PHLDB2: variants seen among roughly 807,000 people sequenced by gnomAD.
PHLDB2 encodes the protein pleckstrin homology-like domain family B member 2.
A neutral mutation model predicts 123.6 loss-of-function variants in PHLDB2; 71 were observed. The observed-to-expected ratio is 0.57, with a 90% CI of 0.47 to 0.70. The LOEUF is 0.70. Ranked by LOEUF, PHLDB2 falls within the 30% of genes least tolerant of loss-of-function variation. The pLI, the probability that PHLDB2 is intolerant of heterozygous loss-of-function variation, is 0.00. For missense variants in PHLDB2, 1,446 were observed against 1,519.5 expected, an observed-to-expected ratio of 0.95 and a Z score of 0.80; for synonymous variants, 547 against 541.6, an observed-to-expected ratio of 1.01 and a Z score of -0.14.
chr3:111,842,473 T>G (rs913919756), intron 1 of PHLDB2, among the ~76,000 whole-genome samples: 16 of 152,244 alleles, frequency 1.1e-4, no homozygotes, highest in Non-Finnish European at 2.1e-4. Context: ...GGGTTCACTC[T>G]TGGTATTGTA....
chr3:111,904,276 T>TTAAAAAAAA (rs1368088646), intron 2 of PHLDB2, among the ~76,000 whole-genome samples: 1 of 11,044 alleles, frequency 9.1e-5, no homozygotes, highest in African/African-American at 1.7e-4. Context: ...AGACCCTGTC[T>TTAAAAAAAA]CAAAAAAAAA....
intron 2 of PHLDB2, 111 bp from the exon 3 acceptor site, chr3:111,913,208 G>T (rs2067986798): frequency 3.3e-6 from 4 of 1,199,700 alleles, no homozygotes; most frequent in Non-Finnish European, 4.7e-6. Context: ...GTGTTTGTGG[G>T]TTTATGTATG....
intron 6 of PHLDB2, among the ~76,000 whole-genome samples, chr3:111,935,520 T>TAGAC (rs1032775870): frequency 6.6e-6 from 1 of 151,370 alleles, no homozygotes; most frequent in African/African-American, 2.4e-5. Context: ...GATAGATAGA[T>TAGAC]AGATAGATAG....
intron 1 of PHLDB2, among the ~76,000 whole-genome samples, chr3:111,829,452 C>G (rs1471955654): frequency 7.9e-6 from 1 of 126,418 alleles, no homozygotes; most frequent in Non-Finnish European, 1.6e-5. Flanking sequence ...TTTTCTTTTT[C>G]TTTTTCTTTT....
intron 8 of PHLDB2, among the ~76,000 whole-genome samples, chr3:111,944,116 C>A (rs1208155396): frequency 6.6e-6 from 1 of 152,130 alleles, no homozygotes; most frequent in Non-Finnish European, 1.5e-5. Context: ...CAAAAGAATG[C>A]ATATTGTATG....
chr3:111,913,473 A>G lies in PHLDB2; in HGVS notation c.1490A>G (p.Glu497Gly). The change falls in exon 3 of 18, where the codon GAA becomes GGA. Residue 497 changes from glutamate to glycine, a missense_variant. Glu to Gly is a moderately conservative substitution (Grantham distance 98). This residue lies in a region of PHLDB2 where 832 missense variants were observed against 831.9 expected (regional missense o/e 1.00). Transcript: ENST00000431670. ...TCTGATGAGGAGTCTGTGTTTGAGGAAGCCCTCATGAGCCCTGACACAAGA... is the reference window on the plus strand; with the variant it reads ...TCTGATGAGGAGTCTGTGTTTGAGGGAGCCCTCATGAGCCCTGACACAAGA... ...QLSDEESVFEEALMSPDTRYR... is the reference protein window; with the variant it reads ...QLSDEESVFEGALMSPDTRYR... 6.2e-7 allele frequency: 1 copy of G among 1,614,088 alleles called. No individual in the cohort carries two copies. Among genetic ancestry groups the G allele is most frequent in the Non-Finnish European group, 8.5e-7 (1 of 1,179,986 alleles).
chr3:111,735,898 G>T (rs1941672091), intron 1 of PHLDB2, among the ~76,000 whole-genome samples: 1 of 152,164 alleles, frequency 6.6e-6, no homozygotes, highest in Non-Finnish European at 1.5e-5. Context: ...CAAATCCCAT[G>T]TTCTTCAGCA....
At chr3:111,779,787 C>T (rs2108079328) in intron 1 of PHLDB2, 1 of 881,586 alleles carries the variant, frequency 1.1e-6, no homozygotes, top group Non-Finnish European at 1.4e-6. Context: ...AATCTATACT[C>T]TTAAGAGGAC....
At chr3:111,804,499 G>A (rs1469092240) in intron 1 of PHLDB2, among the ~76,000 whole-genome samples, 1 of 152,208 alleles carries the variant, frequency 6.6e-6, no homozygotes, top group Non-Finnish European at 1.5e-5. Flanking sequence ...AAATGATGAT[G>A]CTAGGCCCCA....
chr3:111,740,192 T>C (rs1170742245), intron 1 of PHLDB2, among the ~76,000 whole-genome samples: 2 of 152,104 alleles, frequency 1.3e-5, no homozygotes, highest in African/African-American at 2.4e-5. Context: ...GACCCATGCC[T>C]AGGGAGTGCT....
intron 2 of PHLDB2, among the ~76,000 whole-genome samples, chr3:111,889,771 T>C (rs1472671413): frequency 6.6e-6 from 1 of 152,194 alleles, no homozygotes; most frequent in Admixed American, 6.5e-5. Flanking sequence ...CTTGAAATTC[T>C]GGGAATGTTA....
At position 111,822,295 on chromosome 3, in the gene PHLDB2, A is replaced by ATGTGTGTGTGTGTGTGTGTG. The variant is rs35687126; in HGVS notation, c.-48-23522_-48-23503dup. On this transcript the variant is annotated intron_variant, in intron 1 of 17. Transcript: ENST00000393923. Reference sequence around the variant, plus strand: ...TCTCTCTGTCTCTCTATCTTTATGTATGTGTGTGTGTGTGTGTGTGTGTAT... The same window carrying ATGTGTGTGTGTGTGTGTGTG: ...TCTCTCTGTCTCTCTATCTTTATGTATGTGTGTGTGTGTGTGTGTGTGTGTGTGTGTGTGTGTGTGTGTAT... 1.1e-3 allele frequency among the ~76,000 whole-genome samples: 155 copies of ATGTGTGTGTGTGTGTGTGTG among 144,122 alleles called. 2 individuals are homozygous for ATGTGTGTGTGTGTGTGTGTG. The highest frequency in any genetic ancestry group is 3.5e-3 in the Middle Eastern group (1 of 282). 94.5% of individuals were successfully genotyped at this position (144,122 alleles called of 152,430 possible).
chr3:111,952,746 C>CGAA, intron 11 of PHLDB2, 34 bp downstream of exon 11: 1 of 1,597,810 alleles, frequency 6.3e-7, no homozygotes, highest in Non-Finnish European at 8.5e-7. Flanking sequence ...GCTTCCCATT[C>CGAA]CATGAGTCTT....
At chr3:111,880,581 A>G (rs533719633) in intron 1 of PHLDB2, among the ~76,000 whole-genome samples, 139 of 152,308 alleles carry the variant, frequency 9.1e-4, no homozygotes, top group African/African-American at 3.3e-3. Flanking sequence ...AGTCCCGGTC[A>G]TAACCATGAC....
intron 1 of PHLDB2, among the ~76,000 whole-genome samples, chr3:111,777,051 T>C (rs1032179951): frequency 2.0e-5 from 3 of 151,332 alleles, no homozygotes; most frequent in African/African-American, 7.3e-5. Flanking sequence ...TTACAGGCAA[T>C]GACACAGGAG....
At chr3:111,839,301 A>G (rs59496070) in intron 1 of PHLDB2, among the ~76,000 whole-genome samples, 183 of 152,330 alleles carry the variant, frequency 1.2e-3, no homozygotes, top group African/African-American at 4.4e-3. Context: ...TAACTTGAAC[A>G]GAGTTTGTGA....
At chr3:111,809,557 C>T (rs995189632) in intron 1 of PHLDB2, among the ~76,000 whole-genome samples, 1 of 152,202 alleles carries the variant, frequency 6.6e-6, no homozygotes, top group African/African-American at 2.4e-5. Flanking sequence ...AAAATGGATT[C>T]TTTTTATCTA....
rs1336461012 is a variant in PHLDB2, at chr3:111,830,965, GAA to G, written c.-48-14854_-48-14853del. Among the ~76,000 whole-genome samples, 152 of 48,426 alleles carry G rather than the reference GAA, an allele frequency of 3.1e-3. 1 individual carries two copies. Among genetic ancestry groups the G allele is most frequent in the African/African-American group, 6.0e-3 (128 of 21,278 alleles). 31.8% of individuals were successfully genotyped at this position (48,426 alleles called of 152,430 possible). On this transcript the variant is annotated intron_variant, in intron 1 of 17. Transcript: ENST00000393923. The stretch of plus-strand genomic sequence containing the variant: ...AAGGAAAGAAAGAAAGAGAAAGAAA[GAA>G]AGAAAGAAAGAAAGAAAGAAAGAAA...
chr3:111,910,906 CAGCAGTGCT>C (rs1302408585), intron 2 of PHLDB2, among the ~76,000 whole-genome samples: 1 of 152,160 alleles, frequency 6.6e-6, no homozygotes, highest in East Asian at 1.9e-4. Flanking sequence ...AACTCGTGGG[CAGCAGTGCT>C]GCATGTGTCA....
Sources: gnomAD v4.1 joint callset for allele counts (sites outside exome capture counted in the v4.1 genomes callset) on GRCh38, gnomAD v4.1.1 for gene constraint, gnomAD v4.1.1 regional missense constraint, MANE v1.5 for transcripts, NCBI Gene and HGNC (gene_info 2026-07-23, HGNC 2026-07-21) for gene names.